COL5A2: variants seen among roughly 807,000 people sequenced by gnomAD.
COL5A2 encodes collagen alpha-2(V) chain.
COL5A2 carries 23 observed loss-of-function variants against 208.2 expected under a neutral mutation model. The ratio of observed to expected loss-of-function variants is 0.11; its 90% CI spans 0.08 to 0.16. COL5A2 has a LOEUF of 0.16. Ranked by LOEUF, COL5A2 falls within the 10% of genes least tolerant of loss-of-function variation. The probability of loss-of-function intolerance (pLI) is 1.00; values close to 1 mark genes in which losing one functional copy is unlikely to be tolerated. For synonymous variants in COL5A2, 625 were observed against 628.5 expected, an observed-to-expected ratio of 0.99 and a Z score of 0.08; for missense variants, 1,590 against 1,956.4, an observed-to-expected ratio of 0.81 and a Z score of 3.53.
chr2:189,078,870 G>A (rs1389909793), intron 15 of COL5A2, among the ~76,000 whole-genome samples, 193 bp downstream of exon 15: 1 of 152,174 alleles, frequency 6.6e-6, no homozygotes, highest in African/African-American at 2.4e-5. Flanking sequence ...ACAGTGAAAT[G>A]TGGGAAACCT....
At chr2:189,124,340 G>C (rs1409705096) in intron 1 of COL5A2, among the ~76,000 whole-genome samples, 2 of 152,100 alleles carry the variant, frequency 1.3e-5, no homozygotes, top group African/African-American at 4.8e-5. Flanking sequence ...ATTGATGGGG[G>C]AAAGACTATC....
upstream of COL5A2, among the ~76,000 whole-genome samples, chr2:189,183,521 A>G (rs947068799): frequency 6.6e-6 from 1 of 152,134 alleles, no homozygotes; most frequent in Admixed American, 6.5e-5. Flanking sequence ...TCAATTAAAC[A>G]TCTCCCACTG....
chr2:189,172,968 C>CTTTTTTTTTT (rs11286911), intron 1 of COL5A2, among the ~76,000 whole-genome samples: 2 of 96,528 alleles, frequency 2.1e-5, no homozygotes, highest in Non-Finnish European at 4.1e-5. Context: ...TTTTCCTCTT[C>CTTTTTTTTTT]TTTTTTTTTT....
chr2:189,413,716 C>CATTGAATCCAT, the COL5A2 span, among the ~76,000 whole-genome samples: 1 of 150,090 alleles, frequency 6.7e-6, no homozygotes, highest in Non-Finnish European at 1.5e-5. Flanking sequence ...ACAATCCCAG[C>CATTGAATCCAT]ATTGAATCCA....
chr2:189,211,372 T>A (rs1689210941), intron 1 of COL5A2, among the ~76,000 whole-genome samples: 1 of 152,214 alleles, frequency 6.6e-6, no homozygotes, highest in South Asian at 2.1e-4. Context: ...AAACACATAT[T>A]TTAAAAACTT....
chr2:189,439,769 A>T, the COL5A2 span, among the ~76,000 whole-genome samples: 4 of 152,222 alleles, frequency 2.6e-5, no homozygotes, highest in Admixed American at 2.6e-4. Context: ...CCATATCAGG[A>T]TTTCTGATTC....
At chr2:189,052,468 C>A (rs570688864) in intron 40 of COL5A2, among the ~76,000 whole-genome samples, 1 of 152,214 alleles carries the variant, frequency 6.6e-6, no homozygotes, top group African/African-American at 2.4e-5. Flanking sequence ...ATATTTTATA[C>A]AATCAAATTA....
At chr2:189,401,435 T>G in the COL5A2 span, among the ~76,000 whole-genome samples, 40 of 152,234 alleles carry the variant, frequency 2.6e-4, no homozygotes, top group African/African-American at 9.4e-4. Flanking sequence ...ATGGCATATA[T>G]GTACTACATT....
chr2:189,047,847 T>A (rs976902799), intron 45 of COL5A2, among the ~76,000 whole-genome samples: 4 of 152,236 alleles, frequency 2.6e-5, no homozygotes, highest in African/African-American at 9.6e-5. Context: ...CGGCATTCAC[T>A]TTAGATGGTG....
intron 1 of COL5A2, among the ~76,000 whole-genome samples, chr2:189,147,957 A>G (rs1027951531): frequency 6.6e-6 from 1 of 152,148 alleles, no homozygotes; most frequent in African/African-American, 2.4e-5. Context: ...GATCCTTAGA[A>G]CCATTTCTGG....
chr2:189,076,511 G>A (rs1686408177), intron 16 of COL5A2, among the ~76,000 whole-genome samples: 1 of 152,188 alleles, frequency 6.6e-6, no homozygotes, highest in African/African-American at 2.4e-5. Flanking sequence ...CATGGGTCTT[G>A]TATAGTGCAT....
At chr2:189,214,369 T>C (rs1408250404) in intron 1 of COL5A2, among the ~76,000 whole-genome samples, 1 of 152,064 alleles carries the variant, frequency 6.6e-6, no homozygotes, top group East Asian at 1.9e-4. Flanking sequence ...GATGCCTAAT[T>C]AATGACATGG....
chr2:189,316,786 A>G, the COL5A2 span, among the ~76,000 whole-genome samples: 14 of 7,722 alleles, frequency 1.8e-3, no homozygotes, highest in Middle Eastern at 0.042. Flanking sequence ...CTTAAAAGCA[A>G]AAAAAAAAAA....
the COL5A2 span, among the ~76,000 whole-genome samples, chr2:189,362,744 A>G: frequency 1.3e-5 from 2 of 152,278 alleles, no homozygotes; most frequent in Admixed American, 1.3e-4. Context: ...AATATTCACT[A>G]GAAAGATTTT....
the COL5A2 span, among the ~76,000 whole-genome samples, chr2:189,432,136 C>T: frequency 6.6e-6 from 1 of 152,294 alleles, no homozygotes; most frequent in Admixed American, 6.5e-5. Context: ...CCTTTACCGA[C>T]AAGCAAATGC....
chr2:189,081,438 A>C (rs917590165), intron 12 of COL5A2, among the ~76,000 whole-genome samples: 6 of 152,190 alleles, frequency 3.9e-5, no homozygotes, highest in Non-Finnish European at 8.8e-5. Context: ...GAGAAATTCA[A>C]GATAAAATAT....
chr2:189,315,555 C>T, the COL5A2 span, among the ~76,000 whole-genome samples: 1 of 152,012 alleles, frequency 6.6e-6, no homozygotes, highest in African/African-American at 2.4e-5. Flanking sequence ...ACTCCTATTC[C>T]ACATAGTATT....
the COL5A2 span, among the ~76,000 whole-genome samples, chr2:189,246,289 GA>G: frequency 2.8e-4 from 41 of 144,042 alleles, no homozygotes; most frequent in African/African-American, 4.1e-4. Context: ...AATTTATTAG[GA>G]AAAAAAAAAA....
the COL5A2 span, among the ~76,000 whole-genome samples, chr2:189,290,224 T>C: frequency 1.3e-5 from 2 of 152,152 alleles, no homozygotes; most frequent in Non-Finnish European, 2.9e-5. Context: ...GAACACACAA[T>C]GAGAACATCT....
Sources: gnomAD v4.1 joint callset for allele counts (sites outside exome capture counted in the v4.1 genomes callset) on GRCh38, gnomAD v4.1.1 for gene constraint, MANE v1.5 for transcripts, NCBI Gene and HGNC (gene_info 2026-07-23, HGNC 2026-07-21) for gene names.